Variants in ANKRD13A observed in about 807,000 individuals in gnomAD.
ANKRD13A encodes the protein ankyrin repeat domain-containing protein 13A.
ANKRD13A carries 48 observed loss-of-function variants against 81.3 expected under a neutral mutation model. That is an observed-to-expected ratio of 0.59 (90% CI 0.47 to 0.75). ANKRD13A has a LOEUF of 0.75. ANKRD13A is among the 30% of genes least tolerant of loss of function. ANKRD13A has a pLI of 0.00. For missense variants in ANKRD13A, 612 were observed against 734.0 expected, an observed-to-expected ratio of 0.83 and a Z score of 1.92; for synonymous variants, 230 against 270.1, an observed-to-expected ratio of 0.85 and a Z score of 1.45.
Position 110,038,918 on chromosome 12 carries a change from G to T in ANKRD13A, c.*1364G>T, listed in dbSNP as rs117355755. ...TAAACAACACCCTCCTCCATTTTGC[G>T]TCTATTTCTTCTATTGTGCTTCTTT... On this transcript the variant is annotated 3_prime_UTR_variant, in exon 15 of 15. Transcript: ENST00000261739. The T allele has an allele frequency of 6.6e-6, 1 of 152,262 alleles. No homozygotes were observed. Among genetic ancestry groups the T allele is most frequent in the African/African-American group, 2.4e-5 (1 of 41,554 alleles). 9.4% of individuals were successfully genotyped at this position (152,262 alleles called of 1,614,324 possible). A position where few individuals can be genotyped will look rare whatever the true frequency, so the allele number is the denominator to read the frequency against.
intron 1 of ANKRD13A, among the ~76,000 whole-genome samples, chr12:110,001,463 G>A (rs1157665653): frequency 1.4e-5 from 2 of 147,100 alleles, no homozygotes; most frequent in Admixed American, 1.4e-4. Context: ...TTTTTGAGAT[G>A]GAGTCTCGCT....
intron 7 of ANKRD13A, 54 bp downstream of exon 7, chr12:110,024,166 A>C (rs1891209782): frequency 6.7e-7 from 1 of 1,499,354 alleles, no homozygotes; most frequent in African/African-American, 1.4e-5. Context: ...CTTCTATGCA[A>C]ATGAGGAATC....
chr12:110,014,944 C>T (rs983912597), intron 3 of ANKRD13A, among the ~76,000 whole-genome samples: 6 of 151,934 alleles, frequency 3.9e-5, no homozygotes, highest in South Asian at 2.1e-4. Flanking sequence ...CCACCGCGCC[C>T]GGCTAATTTT....
chr12:110,018,582 G>A lies in ANKRD13A; in HGVS notation c.544+94G>A. The stretch of plus-strand genomic sequence containing the variant: ...GCTTTCACATTCATGTGACTTTTCT[G>A]TCTGATCCTTCCTAGGGCATGTTTT... On this transcript the variant is annotated intron_variant, in intron 5 of 14. Transcript: ENST00000261739. The surrounding 1 kb of genome is among the most constrained non-coding windows in gnomAD (Gnocchi z 4.4). The A allele has an allele frequency of 6.9e-7, 1 of 1,442,968 alleles. No homozygotes were observed. The highest frequency in any genetic ancestry group is 9.5e-7 in the Non-Finnish European group (1 of 1,050,396). The allele number at this position is 1,442,968 out of a possible 1,614,324, so 89.4% of individuals were successfully genotyped here.
At chr12:110,020,279 T>C (rs1384197104) in intron 6 of ANKRD13A, among the ~76,000 whole-genome samples, 1 of 152,238 alleles carries the variant, frequency 6.6e-6, no homozygotes, top group Non-Finnish European at 1.5e-5. Flanking sequence ...ATGGACACTA[T>C]TATCCTGGAC....
intron 2 of ANKRD13A, 114 bp downstream of exon 2, chr12:110,012,251 G>C (rs1890568810): frequency 1.6e-6 from 2 of 1,247,598 alleles, no homozygotes; most frequent in African/African-American, 1.5e-5. Flanking sequence ...TGTAGTACCA[G>C]CTACTCAGGA....
chr12:110,037,320 T>C (rs775009530), intron 14 of ANKRD13A, 39 bp from the exon 15 acceptor site: 3 of 1,580,536 alleles, frequency 1.9e-6, no homozygotes, highest in Middle Eastern at 1.7e-4. Flanking sequence ...ATGATGATGA[T>C]AGTAGTGACT....
chr12:110,023,085 G>A (rs1458830704), intron 6 of ANKRD13A, among the ~76,000 whole-genome samples: 1 of 152,216 alleles, frequency 6.6e-6, no homozygotes, highest in African/African-American at 2.4e-5. Flanking sequence ...ACCTGCTGCT[G>A]TTCCCTGAGC....
In ANKRD13A at chr12:110,028,543, A is replaced by G. The variant is rs1446987643; in HGVS notation, c.977A>G (p.Asn326Ser). ...DLTTECATAN[N>S]PTAITPDEYF... is the part of the protein sequence containing the mutation. ...ACCACGGAATGTGCTACTGCAAACA[A>G]CCCCACAGCCATCACGCCTGATGAG... is the stretch of plus-strand genomic sequence containing the variant. Residue 326 changes from asparagine to serine, a missense_variant, in exon 10 of 15, where the codon AAC becomes AGC. Transcript: ENST00000261739. 7 of 1,613,996 alleles carry G rather than the reference A, an allele frequency of 4.3e-6. No homozygotes were observed. Among genetic ancestry groups the G allele is most frequent in the Admixed American group, 1.7e-5 (1 of 59,976 alleles).
chr12:110,013,222 T>C lies in ANKRD13A; in HGVS notation c.327T>C (p.Val109=). The C allele has an allele frequency of 1.2e-6, 2 of 1,614,176 alleles. No individual in the cohort carries two copies. The highest frequency in any genetic ancestry group is 2.2e-5 in the East Asian group (1 of 44,880). ...YHNTSMALEG[V]PELLQKILEA... ...ACACATCCATGGCCCTTGAGGGAGT[T>C]CCTGAGCTGCTCCAAAAAATTCTCG... The change falls in exon 3 of 15, where the codon GTT becomes GTC. Residue 109 remains valine (V), a synonymous_variant. Transcript: ENST00000261739.
chr12:110,021,425 C>CTTTTTTTTTTTT (rs59262099), intron 6 of ANKRD13A: 18 of 129,928 alleles, frequency 1.4e-4, no homozygotes, highest in Non-Finnish European at 2.1e-4. Context: ...TTTTTTCTTT[C>CTTTTTTTTTTTT]TTTTTTTTTT....
chr12:110,026,432 C>T (rs951244631), intron 8 of ANKRD13A, among the ~76,000 whole-genome samples: 1 of 151,490 alleles, frequency 6.6e-6, no homozygotes, highest in African/African-American at 2.4e-5. Flanking sequence ...ACAAAATTAG[C>T]TGGGTGTGGT....
In ANKRD13A at chr12:110,036,249, T is replaced by C; in HGVS notation, c.1510-12T>C. 1 of 1,613,526 alleles carries C rather than the reference T, an allele frequency of 6.2e-7. No individual in the cohort carries two copies. Among genetic ancestry groups the C allele is most frequent in the Non-Finnish European group, 8.5e-7 (1 of 1,179,448 alleles). ...AAGACGTATTCATGTCTATCACATT[T>C]GTCTTTGCCAGGAACTTTCAGGACC... On this transcript the variant is annotated splice_polypyrimidine_tract_variant and intron_variant, in intron 13 of 14. Coordinates refer to ENST00000261739, the MANE Select transcript of ANKRD13A (RefSeq NM_033121.2). The surrounding 1 kb of genome is among the most constrained non-coding windows in gnomAD (Gnocchi z 4.6).
chr12:110,004,348 G>A (rs1482879919), intron 1 of ANKRD13A, among the ~76,000 whole-genome samples: 1 of 152,138 alleles, frequency 6.6e-6, no homozygotes, highest in Admixed American at 6.5e-5. Context: ...GGGCGTGGTG[G>A]CTCAGGCCTG....
At chr12:110,028,063 A>G (rs571474576) in intron 9 of ANKRD13A, 5 of 399,022 alleles carry the variant, frequency 1.3e-5, no homozygotes, top group African/African-American at 2.0e-5. Context: ...AGGACTTTAT[A>G]TTGCAACAGA....
chr12:110,015,975 A>G (rs1890779506), intron 3 of ANKRD13A, among the ~76,000 whole-genome samples: 1 of 144,466 alleles, frequency 6.9e-6, no homozygotes, highest in Non-Finnish European at 1.5e-5. Context: ...TTTTCCATAC[A>G]GTATCTCGCT....
At chr12:110,023,290 C>T (rs1398502517) in intron 6 of ANKRD13A, among the ~76,000 whole-genome samples, 2 of 152,240 alleles carry the variant, frequency 1.3e-5, no homozygotes, top group Admixed American at 1.3e-4. Context: ...CTTTTGGTTC[C>T]TAAATACATT....
In ANKRD13A at chr12:110,019,136, T is replaced by TAGAC; in HGVS notation, c.545-1_547dup. The TAGAC allele has an allele frequency of 6.3e-7, 1 of 1,576,316 alleles. No individual in the cohort carries two copies. The highest frequency in any genetic ancestry group is 2.3e-5 in the East Asian group (1 of 44,260). On this transcript the variant is annotated splice_region_variant and splice_polypyrimidine_tract_variant and intron_variant, in intron 5 of 14. Coordinates refer to ENST00000261739, the MANE Select transcript of ANKRD13A (RefSeq NM_033121.2). ...TTAGTTATGCCTTTGTTTCCATTAATAGACAACTGGGCGGAGTTAATGGAA... is the reference window on the plus strand; with the variant it reads ...TTAGTTATGCCTTTGTTTCCATTAATAGACAGACAACTGGGCGGAGTTAATGGAA...
chr12:110,013,349 T>C lies in ANKRD13A; in HGVS notation c.354+100T>C. 4 of 1,444,600 alleles carry C rather than the reference T, an allele frequency of 2.8e-6. No homozygotes were observed. The South Asian group carries it at 3.8e-5, about 14-fold the overall frequency. The allele number at this position is 1,444,600 out of a possible 1,614,324, so 89.5% of individuals were successfully genotyped here. ...CCTTGTGTGCCTTCCTAAAGAGTTT[T>C]CTGATTCGTGAATATGAAATACTCA... On this transcript the variant is annotated intron_variant, in intron 3 of 14. Coordinates refer to ENST00000261739, the MANE Select transcript of ANKRD13A (RefSeq NM_033121.2).
Sources: allele counts gnomAD v4.1 joint callset (sites outside exome capture counted in the v4.1 genomes callset), GRCh38; gene constraint gnomAD v4.1.1; non-coding constraint Gnocchi (gnomAD v3.1); transcripts MANE v1.5; gene names NCBI Gene and HGNC (gene_info 2026-07-23, HGNC 2026-07-21).